The following SLCO6A1 variants were observed in gnomAD, a reference collection of about 807,000 sequenced individuals.
The protein encoded by SLCO6A1 is cancer/testis antigen 48.
Under a neutral mutation model 72.7 loss-of-function variants are expected in SLCO6A1, and 65 were observed. The ratio of observed to expected loss-of-function variants is 0.89; its 90% CI spans 0.73 to 1.10. SLCO6A1 has a LOEUF of 1.10. Among genes scored for constraint, SLCO6A1 ranks in the 50% least tolerant of loss-of-function variants. SLCO6A1 has a pLI of 0.00. For synonymous variants in SLCO6A1, 314 were observed against 298.2 expected (o/e 1.05, Z -0.55); for missense variants, 874 against 872.6 (o/e 1.00, Z -0.02).
intron 6 of SLCO6A1, among the ~76,000 whole-genome samples, chr5:102,439,463 T>G (rs1749719285): frequency 6.6e-6 from 1 of 152,152 alleles, no homozygotes; most frequent in Admixed American, 6.5e-5. Context: ...TGTTTACATA[T>G]TTCTAATTTA....
At chr5:102,436,229 C>A (rs1409516674) in intron 7 of SLCO6A1, among the ~76,000 whole-genome samples, 1 of 152,088 alleles carries the variant, frequency 6.6e-6, no homozygotes, top group Non-Finnish European at 1.5e-5. Context: ...TTCCCATTAC[C>A]TTCTGATGCC....
chr5:102,488,102 T>C (rs952734841), intron 1 of SLCO6A1, among the ~76,000 whole-genome samples: 7 of 152,226 alleles, frequency 4.6e-5, no homozygotes, highest in Non-Finnish European at 1.0e-4. Context: ...AGTTAAGTAG[T>C]AAATATGTTC....
intron 6 of SLCO6A1, among the ~76,000 whole-genome samples, chr5:102,452,481 A>C (rs1045482914): frequency 6.6e-6 from 1 of 152,050 alleles, no homozygotes; most frequent in Non-Finnish European, 1.5e-5. Flanking sequence ...CTACTTTTAC[A>C]TTTATAACTT....
At chr5:102,413,762 CCAA>C (rs1165339693) in intron 8 of SLCO6A1, among the ~76,000 whole-genome samples, 1 of 152,138 alleles carries the variant, frequency 6.6e-6, no homozygotes, top group African/African-American at 2.4e-5. Flanking sequence ...GTTCTCCTCA[CCAA>C]CACTTGGTAT....
intron 1 of SLCO6A1, among the ~76,000 whole-genome samples, chr5:102,487,677 G>T (rs150449038): frequency 2.6e-5 from 4 of 152,106 alleles, no homozygotes; most frequent in Non-Finnish European, 4.4e-5. Flanking sequence ...AGAACCAGCC[G>T]CATCAAATAC....
intron 1 of SLCO6A1, among the ~76,000 whole-genome samples, chr5:102,484,308 T>A (rs181495098): frequency 6.6e-6 from 1 of 152,314 alleles, no homozygotes; most frequent in Admixed American, 6.5e-5. Flanking sequence ...TAGTTTGTTT[T>A]GTTTTGTTTC....
intron 4 of SLCO6A1, among the ~76,000 whole-genome samples, chr5:102,467,760 T>C (rs940000773): frequency 2.6e-5 from 4 of 152,126 alleles, no homozygotes; most frequent in Middle Eastern, 3.2e-3. Flanking sequence ...GGTCTATATA[T>C]TTTGTTTATC....
At chr5:102,373,666 AT>A (rs1745612651) in intron 12 of SLCO6A1, among the ~76,000 whole-genome samples, 172 bp from the exon 13 acceptor site, 1 of 145,710 alleles carries the variant, frequency 6.9e-6, no homozygotes, top group African/African-American at 2.4e-5. Context: ...CTTAAAGGAG[AT>A]TTTTAAATGT....
intron 12 of SLCO6A1, among the ~76,000 whole-genome samples, chr5:102,374,029 AAATT>A (rs1266775642): frequency 7.0e-6 from 1 of 142,418 alleles, no homozygotes; most frequent in Non-Finnish European, 1.5e-5. Flanking sequence ...CAATTTTTTT[AAATT>A]AATTCTTTTT....
Position 102,482,979 on chromosome 5 carries a change from G to A in SLCO6A1, c.359-2545C>T, listed in dbSNP as rs201807365. Among the ~76,000 whole-genome samples the A allele has an allele frequency of 1.5e-4, 23 of 152,280 alleles. No individual in the cohort carries two copies. The East Asian group carries it at 4.4e-3, about 29-fold the overall frequency. On this transcript the variant is annotated intron_variant, in intron 1 of 13. Transcript: ENST00000506729. ...CTGGTAGCAAGGCAGGCATTCAGCA[G>A]TGCAACAACCAGACGAGCTCTGGTG...
chr5:102,381,043 G>A (rs1395292645), intron 12 of SLCO6A1, among the ~76,000 whole-genome samples: 1 of 151,840 alleles, frequency 6.6e-6, no homozygotes, highest in Admixed American at 6.6e-5. Context: ...TTAAATCAAT[G>A]TATTTAATAT....
chr5:102,420,329 G>C (rs1748525259), intron 7 of SLCO6A1, among the ~76,000 whole-genome samples: 1 of 152,144 alleles, frequency 6.6e-6, no homozygotes, highest in African/African-American at 2.4e-5. Context: ...GAAGACGAGA[G>C]CTGTCTTATT....
chr5:102,378,747 A>G (rs1465501466), intron 12 of SLCO6A1, among the ~76,000 whole-genome samples: 1 of 152,056 alleles, frequency 6.6e-6, no homozygotes, highest in Non-Finnish European at 1.5e-5. Context: ...ATTTACCACA[A>G]TATATTATCC....
chr5:102,441,945 C>T (rs1561464595), intron 6 of SLCO6A1, among the ~76,000 whole-genome samples: 1 of 151,710 alleles, frequency 6.6e-6, no homozygotes, highest in Non-Finnish European at 1.5e-5. Context: ...TAGAGAATTA[C>T]AGCTTTTTTC....
intron 1 of SLCO6A1, among the ~76,000 whole-genome samples, chr5:102,490,635 T>G (rs1752630386): frequency 6.6e-6 from 1 of 152,144 alleles, no homozygotes; most frequent in African/African-American, 2.4e-5. Context: ...TGTTCGGGTG[T>G]GTTCCGAGTT....
Position 102,455,027 on chromosome 5 carries a change from T to TATATATATATATATATACATAA in SLCO6A1, c.1131+3354_1131+3355insTTATGTATATATATATATATAT, listed in dbSNP as rs144619414. 4.0e-3 allele frequency among the ~76,000 whole-genome samples: 565 copies of TATATATATATATATATACATAA among 141,718 alleles called. 3 individuals are homozygous for TATATATATATATATATACATAA. Among genetic ancestry groups the TATATATATATATATATACATAA allele is most frequent in the African/African-American group, 0.014 (529 of 36,934 alleles). 93.0% of individuals were successfully genotyped at this position (141,718 alleles called of 152,430 possible). ...ATATAAATATATATATATATATATA[T>TATATATATATATATATACATAA]AAATTATGTTATAACAAAGATCTAT... On this transcript the variant is annotated intron_variant, in intron 6 of 13. Coordinates refer to ENST00000506729, the MANE Select transcript of SLCO6A1 (RefSeq NM_173488.5).
intron 10 of SLCO6A1, among the ~76,000 whole-genome samples, chr5:102,398,727 T>A (rs1747237191): frequency 2.0e-5 from 3 of 152,178 alleles, no homozygotes; most frequent in Non-Finnish European, 2.9e-5. Flanking sequence ...TTCATTATCA[T>A]GCTATCCTGT....
intron 10 of SLCO6A1, among the ~76,000 whole-genome samples, chr5:102,393,064 ATT>A (rs563383534): frequency 1.3e-5 from 2 of 151,942 alleles, no homozygotes; most frequent in Non-Finnish European, 2.9e-5. Flanking sequence ...TCATTAAAAA[ATT>A]TTTTTCATAT....
intron 9 of SLCO6A1, among the ~76,000 whole-genome samples, chr5:102,404,238 G>A (rs1747550133): frequency 6.6e-6 from 1 of 152,214 alleles, no homozygotes; most frequent in Admixed American, 6.5e-5. Context: ...GCTCACGCCT[G>A]TAATCCCAGC....
Sources: gnomAD v4.1 joint callset for allele counts (sites outside exome capture counted in the v4.1 genomes callset) on GRCh38, gnomAD v4.1.1 for gene constraint, MANE v1.5 for transcripts, NCBI Gene and HGNC (gene_info 2026-07-23, HGNC 2026-07-21) for gene names.